Variants in MPHOSPH9 observed in about 807,000 individuals in gnomAD.
The protein encoded by MPHOSPH9 is M-phase phosphoprotein 9.
In MPHOSPH9, 88 loss-of-function variants were observed where a neutral mutation model predicts 145.5. That is an observed-to-expected ratio of 0.60 (90% confidence interval 0.51 to 0.72). The LOEUF (loss-of-function observed/expected upper bound fraction) is 0.72. Ranked by LOEUF, MPHOSPH9 falls within the 30% of genes least tolerant of loss-of-function variation. The pLI, the probability that MPHOSPH9 is intolerant of heterozygous loss-of-function variation, is 0.00. For synonymous variants in MPHOSPH9, 435 were observed against 486.2 expected (o/e 0.89, Z 1.39); for missense variants, 1,238 against 1,386.6 (o/e 0.89, Z 1.70).
intron 7 of MPHOSPH9, among the ~76,000 whole-genome samples, chr12:123,211,441 C>A (rs903282513): frequency 4.0e-5 from 6 of 151,688 alleles, no homozygotes; most frequent in African/African-American, 1.2e-4. Context: ...GAGTCTCAAC[C>A]TTCCAGGTTC....
chr12:123,223,670 T>C (rs924142466), intron 3 of MPHOSPH9, among the ~76,000 whole-genome samples: 1 of 152,214 alleles, frequency 6.6e-6, no homozygotes, highest in Non-Finnish European at 1.5e-5. Flanking sequence ...TTCAGCCTAA[T>C]TGTCATCTTC....
At chr12:123,232,152 T>C (rs557308289) in intron 1 of MPHOSPH9, among the ~76,000 whole-genome samples, 51 of 151,578 alleles carry the variant, frequency 3.4e-4, no homozygotes, top group Non-Finnish European at 7.1e-4. Context: ...ATACCTGGAT[T>C]CCAATCACCA....
At chr12:123,238,203 T>C (rs1486670670) in intron 1 of MPHOSPH9, among the ~76,000 whole-genome samples, 1 of 151,764 alleles carries the variant, frequency 6.6e-6, no homozygotes, top group Admixed American at 6.6e-5. Context: ...CCAAAACACA[T>C]TTTTGAAACA....
At chr12:123,202,559 A>T in intron 10 of MPHOSPH9, 65 bp downstream of exon 10, 1 of 1,445,262 alleles carries the variant, frequency 6.9e-7, no homozygotes, top group Non-Finnish European at 9.4e-7. Flanking sequence ...TTCAATAAAG[A>T]TCATTTTCAA....
chr12:123,166,348 C>T (rs965966376), intron 17 of MPHOSPH9: 3 of 322,184 alleles, frequency 9.3e-6, no homozygotes, highest in Non-Finnish European at 1.1e-5. Flanking sequence ...CTCAAGCGAT[C>T]CTCCACGTTG....
At chr12:123,153,764 CAAAA>C (rs57564688), downstream of MPHOSPH9, among the ~76,000 whole-genome samples, 2 of 109,350 alleles carry the variant, frequency 1.8e-5, no homozygotes, top group Non-Finnish European at 3.4e-5. Flanking sequence ...GACTCCATCT[CAAAA>C]AAAAAAAAAA....
intron 13 of MPHOSPH9, among the ~76,000 whole-genome samples, chr12:123,182,461 G>C (rs891518876): frequency 1.3e-5 from 2 of 150,760 alleles, no homozygotes; most frequent in African/African-American, 4.9e-5. Context: ...GGCCAGGCTT[G>C]TCTCAAACTC....
chr12:123,175,458 C>A (rs2695474), intron 16 of MPHOSPH9, among the ~76,000 whole-genome samples: 23,267 of 152,082 alleles, frequency 0.15, 5,385 homozygotes, highest in African/African-American at 0.5. Context: ...CAGCCAAGAT[C>A]CAACTCTTGA....
intron 6 of MPHOSPH9, among the ~76,000 whole-genome samples, chr12:123,217,747 A>T (rs1321152433): frequency 1.3e-5 from 2 of 152,042 alleles, no homozygotes; most frequent in African/African-American, 4.8e-5. Context: ...ACACCAAAAG[A>T]AAGATGCATA....
At chr12:123,187,313 T>C (rs1228383967) in intron 13 of MPHOSPH9, among the ~76,000 whole-genome samples, 1 of 151,968 alleles carries the variant, frequency 6.6e-6, no homozygotes, top group African/African-American at 2.4e-5. Context: ...AATACATAAA[T>C]ACTAGAATAT....
chr12:123,208,854 G>A (rs1274107558), intron 8 of MPHOSPH9, among the ~76,000 whole-genome samples: 1 of 151,886 alleles, frequency 6.6e-6, no homozygotes, highest in Non-Finnish European at 1.5e-5. Context: ...CAAAGTACAA[G>A]GATTACAGGT....
At chr12:123,241,082 A>G (rs1290425927) in intron 1 of MPHOSPH9, among the ~76,000 whole-genome samples, 1 of 151,442 alleles carries the variant, frequency 6.6e-6, no homozygotes, top group Non-Finnish European at 1.5e-5. Flanking sequence ...CTTCTCTCCA[A>G]AGTGAGAGCT....
At chr12:123,208,237 T>C (rs903980464) in intron 8 of MPHOSPH9, among the ~76,000 whole-genome samples, 2 of 146,810 alleles carry the variant, frequency 1.4e-5, no homozygotes, top group African/African-American at 2.5e-5. Flanking sequence ...CCTTTCTTAC[T>C]CAAAGAAAAT....
chr12:123,197,295 C>T (rs2046000797), intron 12 of MPHOSPH9, among the ~76,000 whole-genome samples: 1 of 151,806 alleles, frequency 6.6e-6, no homozygotes, highest in African/African-American at 2.4e-5. Flanking sequence ...CATCCTCCTG[C>T]CTCAGTCTCC....
At chr12:123,224,512 C>A (rs539066610) in intron 3 of MPHOSPH9, among the ~76,000 whole-genome samples, 154 of 152,204 alleles carry the variant, frequency 1.0e-3, no homozygotes, top group Non-Finnish European at 1.9e-3. Flanking sequence ...CTCAAGTGAT[C>A]CACCCGCCTC....
At chr12:123,221,992 A>AT in intron 4 of MPHOSPH9, 97 bp from the exon 5 acceptor site, 1 of 730,132 alleles carries the variant, frequency 1.4e-6, no homozygotes. Flanking sequence ...ATATGATGAG[A>AT]TATTATTCTA....
Position 123,161,279 on chromosome 12 carries a change from C to G in MPHOSPH9, c.3238G>C (p.Glu1080Gln). ...VKKVSVRTAWEKNKSVSYEQC... is the reference protein window; with the variant it reads ...VKKVSVRTAWQKNKSVSYEQC... ...TCGTAGCTAACTGATTTATTCTTCT[C>G]CCAGGCTGTTCTCACAGATACTTTC... Residue 1080 changes from glutamate to glutamine, a missense_variant, in exon 22 of 24, where the codon GAG (glutamate) becomes CAG (glutamine). Coordinates refer to ENST00000606320, the MANE Select transcript of MPHOSPH9 (RefSeq NM_022782.4). 1 of 1,614,080 alleles carries G rather than the reference C, an allele frequency of 6.2e-7. No homozygotes were observed. Among genetic ancestry groups the G allele is most frequent in the African/African-American group, 1.3e-5 (1 of 75,022 alleles).
chr12:123,209,926 C>T lies in MPHOSPH9; in HGVS notation c.1194+130G>A, dbSNP rs183854675. 2,820 of 483,826 alleles carry T rather than the reference C, an allele frequency of 5.8e-3. 23 individuals carry two copies. The highest frequency in any genetic ancestry group is 0.016 in the South Asian group (435 of 28,018). The allele number at this position is 483,826 out of a possible 1,614,324, so 30.0% of individuals were successfully genotyped here. On this transcript the variant is annotated intron_variant, in intron 8 of 23. Transcript: ENST00000606320. ...TAATTTTTTGTATTTTTAGTAGAGA[C>T]GGGGTTTCACCGTGTTAGCCAGGAT...
intron 1 of MPHOSPH9, 179 bp downstream of exon 1, chr12:123,232,896 C>T (rs1050705621): frequency 6.6e-6 from 1 of 152,230 alleles, no homozygotes; most frequent in East Asian, 1.9e-4. Flanking sequence ...AAAAGGCGCA[C>T]CGCGGCCGGG....
Sources: allele counts gnomAD v4.1 joint callset (sites outside exome capture counted in the v4.1 genomes callset), GRCh38; gene constraint gnomAD v4.1.1; transcripts MANE v1.5; gene names NCBI Gene and HGNC (gene_info 2026-07-23, HGNC 2026-07-21).